ISYNA1: variants seen among roughly 807,000 people sequenced by gnomAD.
ISYNA1 encodes inositol-3-phosphate synthase 1.
A neutral mutation model predicts 50.3 loss-of-function variants in ISYNA1; 34 were observed. The ratio of observed to expected loss-of-function variants is 0.68; its 90% CI spans 0.51 to 0.90. The LOEUF (loss-of-function observed/expected upper bound fraction) is 0.90, where lower values mean the gene tolerates loss of function less well. ISYNA1 is among the 40% of genes least tolerant of loss of function. The pLI is 0.00. For missense variants in ISYNA1, 718 were observed against 784.8 expected, an observed-to-expected ratio of 0.91 and a Z score of 1.02; for synonymous variants, 396 against 349.9, an observed-to-expected ratio of 1.13 and a Z score of -1.47.
chr19:18,436,510 G>T (rs1243087117), intron 5 of ISYNA1, 31 bp from the exon 6 acceptor site: 1 of 1,601,922 alleles, frequency 6.2e-7, no homozygotes, highest in Non-Finnish European at 8.5e-7. Flanking sequence ...GTGTGGGGAG[G>T]ATGGAGAGGG....
rs1368649127 is a variant in ISYNA1 at position 18,437,908 on chromosome 19, T to C, written c.72A>G (p.Gln24=). 3 of 1,611,856 alleles carry C rather than the reference T, an allele frequency of 1.9e-6. No homozygotes were observed. Among genetic ancestry groups the C allele is most frequent in the South Asian group, 2.2e-5 (2 of 91,040 alleles). ...TGACGCGCGTCGTCCGGTACTCGTA[T>C]TGCGCCTCGATGGCCTCGGGGCCGT... ...VVYGPEAIEA[Q]YEYRTTRVSR... Residue 24 remains glutamine (Q), a synonymous_variant, in exon 2 of 11, where the codon CAA becomes CAG. Coordinates refer to ENST00000338128, the MANE Select transcript of ISYNA1 (RefSeq NM_016368.5).
At chr19:18,435,514 CGGTG>C (rs764809327) in intron 9 of ISYNA1, 31 bp from the exon 10 acceptor site, 2 of 1,605,294 alleles carry the variant, frequency 1.2e-6, no homozygotes, top group Non-Finnish European at 1.7e-6. Flanking sequence ...GAGATGGGGG[CGGTG>C]GCCAAGCCCT....
chr19:18,436,501 T>C, intron 5 of ISYNA1, 22 bp from the exon 6 acceptor site: 1 of 1,601,568 alleles, frequency 6.2e-7, no homozygotes, highest in Admixed American at 1.7e-5. Flanking sequence ...ATGGTGAGGG[T>C]GTGGGGAGGA....
chr19:18,437,463 C>A lies in ISYNA1; in HGVS notation c.282+136G>T, dbSNP rs1321815665. 13 of 957,872 alleles carry A rather than the reference C, an allele frequency of 1.4e-5. No individual in the cohort carries two copies. In the East Asian group the frequency reaches 3.6e-4, roughly 26 times the overall value. 59.3% of individuals were successfully genotyped at this position (957,872 alleles called of 1,614,324 possible). A position where few individuals can be genotyped will look rare whatever the true frequency, so the allele number is the denominator to read the frequency against. The stretch of plus-strand genomic sequence containing the variant: ...GACCCGGGCAGGTCCCTCGCCCCTG[C>A]AGCCCCTCGCCCCGCGGAACCCCAC... On this transcript the variant is annotated intron_variant, in intron 3 of 10. Coordinates refer to ENST00000338128, the MANE Select transcript of ISYNA1 (RefSeq NM_016368.5).
intron 10 of ISYNA1, 51 bp from the exon 11 acceptor site, chr19:18,435,168 G>A (rs572485947): frequency 1.2e-6 from 2 of 1,602,610 alleles, no homozygotes; most frequent in Non-Finnish European, 1.7e-6. Flanking sequence ...GGGAGAAAGG[G>A]GGGGTATCCC....
chr19:18,435,295 G>C lies in ISYNA1; in HGVS notation c.1443C>G (p.Arg481=). The change falls in exon 10 of 11, where the codon CGC becomes CGG. Residue 481 remains arginine, a synonymous_variant. Coordinates refer to ENST00000338128, the MANE Select transcript of ISYNA1 (RefSeq NM_016368.5). ...PGSPVVNALF[R]QRSCIENILR... The stretch of plus-strand genomic sequence containing the variant: ...GGATGTTCTCGATGCAGCTGCGCTG[G>C]CGGAAAAGCGCATTGACCACCGGGC... The C allele has an allele frequency of 6.2e-7, 1 of 1,607,078 alleles. No individual in the cohort carries two copies. The highest frequency in any genetic ancestry group is 8.5e-7 in the Non-Finnish European group (1 of 1,179,812).
rs774117364 is a variant in ISYNA1 at position 18,436,852 on chromosome 19, C to G, written c.441G>C (p.Leu147=). 6.3e-7 allele frequency: 1 copy of G among 1,597,182 alleles called. No individual in the cohort carries two copies. Among genetic ancestry groups the G allele is most frequent in the South Asian group, 1.1e-5 (1 of 89,642 alleles). Residue 147 remains leucine, a synonymous_variant, in exon 5 of 11, where the codon CTG becomes CTC. Transcript: ENST00000338128. The stretch of plus-strand genomic sequence containing the variant: ...CCTTCGCGCGCCGCATCGCCTCGGC[C>G]AGGTTCAGCGACGAGATGTCCCAGC... ...FDGWDISSLN[L]AEAMRRAKVL...
chr19:18,434,867 G>T lies in ISYNA1; in HGVS notation c.*46C>A. On this transcript the variant is annotated 3_prime_UTR_variant, in exon 11 of 11. Transcript: ENST00000338128. ...GTGGGGGCCTTCAAGGTAGGGTCGTGGGGGGCAGCGGGGAGGAAGAGCCGA... is the reference window on the plus strand; with the variant it reads ...GTGGGGGCCTTCAAGGTAGGGTCGTTGGGGGCAGCGGGGAGGAAGAGCCGA... 6.5e-7 allele frequency: 1 copy of T among 1,527,010 alleles called. No individual in the cohort carries two copies. The highest frequency in any genetic ancestry group is 9.1e-7 in the Non-Finnish European group (1 of 1,104,162). The allele number at this position is 1,527,010 out of a possible 1,614,324, so 94.6% of individuals were successfully genotyped here.
intron 5 of ISYNA1, 102 bp downstream of exon 5, chr19:18,436,582 G>T (rs533150372): frequency 1.3e-6 from 2 of 1,596,492 alleles, no homozygotes; most frequent in East Asian, 2.2e-5. Flanking sequence ...TCAGTTCCCC[G>T]GGTGTCAAGT....
At position 18,438,123 on chromosome 19, in the gene ISYNA1, G is replaced by A. The variant is rs999462197; in HGVS notation, c.-40C>T. 2.0e-5 allele frequency: 18 copies of A among 879,092 alleles called. No homozygotes were observed. In the East Asian group the frequency reaches 2.6e-4, roughly 13 times the overall value. 54.5% of individuals were successfully genotyped at this position (879,092 alleles called of 1,614,324 possible). On this transcript the variant is annotated 5_prime_UTR_variant, in exon 1 of 11. Coordinates refer to ENST00000338128, the MANE Select transcript of ISYNA1 (RefSeq NM_016368.5). ...CAGAGTCGACTCAGGCAGCGGCGGC[G>A]GACAGCGCGGGCTCTCGGGCGCGCG...
chr19:18,437,670 C>A lies in ISYNA1; in HGVS notation c.211G>T (p.Gly71Cys). 1 of 1,543,958 alleles carries A rather than the reference C, an allele frequency of 6.5e-7. No individual in the cohort carries two copies. ...AGCACCGCGGCGGTGAGTGTGGAGC[C>A]GTTGTTCCCGCCCCAGCCGACAAGC... ...VMLVGWGGNN[G>C]STLTAAVLAN... Residue 71 changes from glycine to cysteine, a missense_variant, in exon 3 of 11, where the codon GGC becomes TGC. Around this residue, in one of 3 missense-constraint regions of ISYNA1, gnomAD observed 403 missense variants for 466.6 expected, o/e 0.86. Coordinates refer to ENST00000338128, the MANE Select transcript of ISYNA1 (RefSeq NM_016368.5).
chr19:18,437,146 G>C (rs919585290), intron 3 of ISYNA1, 41 bp from the exon 4 acceptor site: 4 of 1,533,292 alleles, frequency 2.6e-6, no homozygotes, highest in Non-Finnish European at 2.6e-6. Flanking sequence ...GGTGGGAGTG[G>C]TGAAAGGGCC....
intron 1 of ISYNA1, 42 bp from the exon 2 acceptor site, chr19:18,438,030 G>A: frequency 6.6e-7 from 1 of 1,514,752 alleles, no homozygotes; most frequent in Non-Finnish European, 8.8e-7. Flanking sequence ...GGGACTCTAA[G>A]CGGCCGGGGC....
chr19:18,437,902 C>T lies in ISYNA1; in HGVS notation c.78G>A (p.Glu26=), dbSNP rs1460650470. 37 of 1,612,054 alleles carry T rather than the reference C, an allele frequency of 2.3e-5. No individual in the cohort carries two copies. Among genetic ancestry groups the T allele is most frequent in the Non-Finnish European group, 3.1e-5 (37 of 1,179,770 alleles). Residue 26 remains glutamate, a synonymous_variant, in exon 2 of 11, where the codon GAG becomes GAA. Coordinates refer to ENST00000338128, the MANE Select transcript of ISYNA1 (RefSeq NM_016368.5). Reference sequence around the variant, plus strand: ...CGCGGCTGACGCGCGTCGTCCGGTACTCGTATTGCGCCTCGATGGCCTCGG... The same window carrying T: ...CGCGGCTGACGCGCGTCGTCCGGTATTCGTATTGCGCCTCGATGGCCTCGG... The part of the protein sequence containing the change: ...YGPEAIEAQY[E]YRTTRVSREG...
Position 18,437,104 on chromosome 19 carries a change from T to C in ISYNA1, c.284A>G (p.Glu95Gly). Residue 95 changes from glutamate (E) to glycine (G), a missense_variant and splice_region_variant, in exon 4 of 11, where the codon GAG (glutamate) becomes GGG (glycine). By Grantham distance (98) the Glu-to-Gly change is moderately conservative. Coordinates refer to ENST00000338128, the MANE Select transcript of ISYNA1 (RefSeq NM_016368.5). ...AGTCAGCGAGCCGTAGTAGTTGGCC[T>C]CCTGGGGGTCAGCAGACACGGCGAG... ...LSWPTRSGRK[E>G]ANYYGSLTQA... 1 of 1,576,394 alleles carries C rather than the reference T, an allele frequency of 6.3e-7. No homozygotes were observed. The highest frequency in any genetic ancestry group is 8.6e-7 in the Non-Finnish European group (1 of 1,162,580).
Position 18,434,489 on chromosome 19 carries a change from T to TG in ISYNA1, c.*423dup, listed in dbSNP as rs1020503857. ...TTTTGTCCCAGAGAGAAAGGCTCTT[T>TG]GGGGGGCCCCTCTCCCCAGGACGTC... is the stretch of plus-strand genomic sequence containing the variant. On this transcript the variant is annotated 3_prime_UTR_variant, in exon 11 of 11. Transcript: ENST00000338128. 1.3e-5 allele frequency: 11 copies of TG among 833,780 alleles called. No homozygotes were observed. The highest frequency in any genetic ancestry group is 9.1e-5 in the East Asian group (3 of 33,038). The allele number at this position is 833,780 out of a possible 1,614,324, so 51.6% of individuals were successfully genotyped here.
chr19:18,435,732 G>A lies in ISYNA1; in HGVS notation c.1140+25C>T, dbSNP rs1156236906. On this transcript the variant is annotated intron_variant, in intron 8 of 10. Transcript: ENST00000338128. ...CTGCCACCCCTCGCCGGGCAACCCC[G>A]CGCCCGCGCCCGCGCCCCACGCACG... 6 of 1,607,434 alleles carry A rather than the reference G, an allele frequency of 3.7e-6. No individual in the cohort carries two copies. In the Admixed American group the frequency reaches 8.4e-5, roughly 22 times the overall value.
At chr19:18,435,224 G>A in intron 10 of ISYNA1, 42 bp downstream of exon 10, 1 of 1,596,392 alleles carries the variant, frequency 6.3e-7, no homozygotes, top group Non-Finnish European at 8.5e-7. Flanking sequence ...TAGCCAGGGG[G>A]GTATCTGGGC....
In ISYNA1 at chr19:18,434,722, C is replaced by G. The variant is rs1973872614; in HGVS notation, c.*191G>C. Reference sequence around the variant, plus strand: ...TGGGAGTTGGGGTGATGACCATGGGCAGAGGGGATGGGACTGAAGCTGGGC... The same window carrying G: ...TGGGAGTTGGGGTGATGACCATGGGGAGAGGGGATGGGACTGAAGCTGGGC... On this transcript the variant is annotated 3_prime_UTR_variant, in exon 11 of 11. Coordinates refer to ENST00000338128, the MANE Select transcript of ISYNA1 (RefSeq NM_016368.5). 1 of 604,214 alleles carries G rather than the reference C, an allele frequency of 1.7e-6. No individual in the cohort carries two copies. The highest frequency in any genetic ancestry group is 2.0e-5 in the South Asian group (1 of 50,622). 37.4% of individuals were successfully genotyped at this position (604,214 alleles called of 1,614,324 possible).
Sources: allele counts gnomAD v4.1 joint callset, GRCh38; gene constraint gnomAD v4.1.1; regional missense constraint gnomAD v4.1.1; transcripts MANE v1.5; gene names NCBI Gene and HGNC (gene_info 2026-07-23, HGNC 2026-07-21).